The following WIPF3 variants were observed in gnomAD, a reference collection of about 807,000 sequenced individuals.
The protein encoded by WIPF3 is WAS/WASL interacting protein family member 3.
A neutral mutation model predicts 38.9 loss-of-function variants in WIPF3; 33 were observed. The ratio of observed to expected loss-of-function variants is 0.85; its 90% CI spans 0.64 to 1.14. The LOEUF (loss-of-function observed/expected upper bound fraction) is 1.14, where lower values mean the gene tolerates loss of function less well. WIPF3 is among the 50% of genes most tolerant of loss of function. The pLI is 0.00. For synonymous variants in WIPF3, 324 were observed against 269.3 expected (o/e 1.20, Z -1.99); for missense variants, 711 against 652.5 (o/e 1.09, Z -0.98).
At chr7:29,869,521 G>A (rs1785457945) in intron 2 of WIPF3, among the ~76,000 whole-genome samples, 1 of 152,260 alleles carries the variant, frequency 6.6e-6, no homozygotes, top group Middle Eastern at 3.4e-3. Flanking sequence ...TTAAAGACAT[G>A]CTTTTGTCTA....
intron 1 of WIPF3, among the ~76,000 whole-genome samples, chr7:29,822,862 T>C (rs1784563191): frequency 6.6e-6 from 1 of 152,190 alleles, no homozygotes; most frequent in Non-Finnish European, 1.5e-5. Context: ...CGGAAGACCT[T>C]CTTGAACTTT....
At chr7:29,849,373 C>A (rs1467691784) in intron 2 of WIPF3, among the ~76,000 whole-genome samples, 1 of 152,180 alleles carries the variant, frequency 6.6e-6, no homozygotes, top group East Asian at 1.9e-4. Context: ...CACCAGATAT[C>A]AAACAATATT....
chr7:29,868,178 C>T (rs957385158), intron 2 of WIPF3, among the ~76,000 whole-genome samples: 16 of 152,072 alleles, frequency 1.1e-4, no homozygotes, highest in Admixed American at 9.8e-4. Flanking sequence ...AAGAGCTTCA[C>T]GGGGAGATGA....
intron 3 of WIPF3, among the ~76,000 whole-genome samples, chr7:29,877,237 T>C (rs1442367571): frequency 1.3e-5 from 2 of 152,224 alleles, no homozygotes; most frequent in Admixed American, 6.5e-5. Flanking sequence ...CCATTGTTGA[T>C]GAAGCAGATG....
chr7:29,873,004 T>C (rs1206455303), intron 2 of WIPF3, among the ~76,000 whole-genome samples: 1 of 151,998 alleles, frequency 6.6e-6, no homozygotes, highest in African/African-American at 2.4e-5. Flanking sequence ...TTGGAAGATG[T>C]TTACTAACAA....
intron 8 of WIPF3, among the ~76,000 whole-genome samples, chr7:29,907,085 A>G (rs911814695): frequency 6.6e-6 from 1 of 152,262 alleles, no homozygotes; most frequent in African/African-American, 2.4e-5. Flanking sequence ...GGAAGAAACA[A>G]TGACCTCACT....
intron 2 of WIPF3, among the ~76,000 whole-genome samples, chr7:29,851,058 C>T (rs578040236): frequency 3.9e-5 from 6 of 152,282 alleles, no homozygotes; most frequent in East Asian, 1.9e-4. Context: ...CTTGGCATCT[C>T]GGGATGGTGC....
chr7:29,896,167 G>T (rs1397112014), intron 7 of WIPF3, among the ~76,000 whole-genome samples: 1 of 152,166 alleles, frequency 6.6e-6, no homozygotes, highest in Non-Finnish European at 1.5e-5. Context: ...AAATTAGCCA[G>T]GCATGGTGGT....
intron 8 of WIPF3, among the ~76,000 whole-genome samples, chr7:29,907,857 A>G (rs1786428070): frequency 1.3e-5 from 2 of 152,244 alleles, no homozygotes; most frequent in South Asian, 4.1e-4. Context: ...CCACACAGAA[A>G]ATAGCTATAG....
At chr7:29,808,752 G>A (rs551358670) in intron 1 of WIPF3, among the ~76,000 whole-genome samples, 2 of 152,014 alleles carry the variant, frequency 1.3e-5, no homozygotes, top group East Asian at 3.9e-4. Context: ...TAAGAACAGG[G>A]GAAAGCCAGC....
intron 2 of WIPF3, among the ~76,000 whole-genome samples, chr7:29,869,293 G>T (rs1785452440): frequency 6.6e-6 from 1 of 152,156 alleles, no homozygotes; most frequent in Non-Finnish European, 1.5e-5. Flanking sequence ...CTCCCAAAGT[G>T]CTGGGATTAC....
intron 6 of WIPF3, 100 bp from the exon 7 acceptor site, chr7:29,889,206 C>T (rs542836836): frequency 1.3e-4 from 122 of 925,204 alleles, no homozygotes; most frequent in East Asian, 5.5e-4. Flanking sequence ...AAACAGAAAA[C>T]GGTGGATGCA....
chr7:29,884,264 T>TACC lies in WIPF3; in HGVS notation c.770_771insACC (p.Pro259dup). 2.3e-6 allele frequency: 3 copies of TACC among 1,315,280 alleles called. No individual in the cohort carries two copies. The highest frequency in any genetic ancestry group is 3.0e-6 in the Non-Finnish European group (3 of 992,704). 81.5% of individuals were successfully genotyped at this position (1,315,280 alleles called of 1,614,324 possible). A position where few individuals can be genotyped will look rare whatever the true frequency, so the allele number is the denominator to read the frequency against. ...AAGCCTCAGCTGGCTCCCTTGCACC[T>TACC]CCCGCCCATCCCGCCCCCGCTCCCT... On this transcript the variant is annotated inframe_insertion, in exon 5 of 9. Transcript: ENST00000242140.
chr7:29,881,727 T>C (rs890936497), intron 4 of WIPF3, among the ~76,000 whole-genome samples: 1 of 152,222 alleles, frequency 6.6e-6, no homozygotes, highest in African/African-American at 2.4e-5. Context: ...GTAATGAGAC[T>C]TCCAAGGTCT....
chr7:29,850,826 A>G (rs1319774879), intron 2 of WIPF3, among the ~76,000 whole-genome samples: 2 of 151,784 alleles, frequency 1.3e-5, no homozygotes, highest in Non-Finnish European at 1.5e-5. Flanking sequence ...AGAAAAGGCC[A>G]CAGGCCTGTG....
At position 29,878,318 on chromosome 7, in the gene WIPF3, T is replaced by C. The variant is rs551936288; in HGVS notation, c.224-691T>C. ...CATATTAGCTTCAAGTTGTTAAATA[T>C]TTTCTGCCAGGAATTCTTGTCTAAG... On this transcript the variant is annotated intron_variant, in intron 3 of 8. Transcript: ENST00000242140. This position sits in a 1 kb window ranked among gnomAD's most constrained non-coding sequence, Gnocchi z 4.0. 2.0e-4 allele frequency among the ~76,000 whole-genome samples: 31 copies of C among 152,336 alleles called. No individual in the cohort carries two copies. The highest frequency in any genetic ancestry group is 7.0e-4 in the African/African-American group (29 of 41,558).
At chr7:29,845,909 G>A (rs174939) in intron 2 of WIPF3, among the ~76,000 whole-genome samples, 111,175 of 152,108 alleles carry the variant, frequency 0.73, 41,364 homozygotes, top group Middle Eastern at 0.82. Flanking sequence ...AACCAACCAC[G>A]ATTTTCCATT....
intron 7 of WIPF3, among the ~76,000 whole-genome samples, chr7:29,892,433 G>A (rs913076735): frequency 6.6e-6 from 1 of 152,250 alleles, no homozygotes; most frequent in African/African-American, 2.4e-5. Flanking sequence ...GCATTGGAGC[G>A]TGAACCTGTA....
intron 1 of WIPF3, among the ~76,000 whole-genome samples, chr7:29,808,548 C>T (rs1160535785): frequency 1.3e-5 from 2 of 152,328 alleles, no homozygotes; most frequent in Middle Eastern, 3.4e-3. Flanking sequence ...CGGGGCAGAG[C>T]GGTCAGGGTG....
Sources: gnomAD v4.1 joint callset for allele counts (sites outside exome capture counted in the v4.1 genomes callset) on GRCh38, gnomAD v4.1.1 for gene constraint, Gnocchi (gnomAD v3.1) non-coding constraint, MANE v1.5 for transcripts, NCBI Gene and HGNC (gene_info 2026-07-23, HGNC 2026-07-21) for gene names.